Variants in AMZ1 observed in about 807,000 individuals in gnomAD.
AMZ1 encodes the protein archaelysin family metallopeptidase 1.
Under a neutral mutation model 29.9 loss-of-function variants are expected in AMZ1, and 39 were observed. That is an observed-to-expected ratio of 1.30 (90% CI 1.01 to 1.70). The LOEUF (loss-of-function observed/expected upper bound fraction) is 1.70, where lower values mean the gene tolerates loss of function less well. AMZ1 is among the 40% of genes most tolerant of loss of function. AMZ1 has a pLI of 0.00. For missense variants in AMZ1, 1,041 were observed against 680.6 expected (o/e 1.53, Z -5.89); for synonymous variants, 458 against 304.0 (o/e 1.51, Z -5.27).
intron 1 of AMZ1, among the ~76,000 whole-genome samples, chr7:2,699,254 T>C (rs951821245): frequency 6.6e-6 from 1 of 152,132 alleles, no homozygotes; most frequent in Non-Finnish European, 1.5e-5. Flanking sequence ...CTCTCAGGCG[T>C]GTTCCTAAGT....
In AMZ1 at chr7:2,709,633, C is replaced by A. The variant is rs1315725146; in HGVS notation, c.772-7C>A. The A allele has an allele frequency of 2.5e-6, 4 of 1,605,950 alleles. No homozygotes were observed. Among genetic ancestry groups the A allele is most frequent in the Non-Finnish European group, 3.4e-6 (4 of 1,176,894 alleles). On this transcript the variant is annotated splice_polypyrimidine_tract_variant and splice_region_variant and intron_variant, in intron 5 of 6. Coordinates refer to ENST00000683327, the MANE Select transcript of AMZ1 (RefSeq NM_001384743.1). ...TGAGGCAAGGTGCTTGGTGGCCTTCCCCCCAGGTCACGTGCCACGAGCTCT... is the reference window on the plus strand; with the variant it reads ...TGAGGCAAGGTGCTTGGTGGCCTTCACCCCAGGTCACGTGCCACGAGCTCT...
intron 4 of AMZ1, among the ~76,000 whole-genome samples, chr7:2,725,750 T>C (rs1421273913): frequency 1.3e-5 from 2 of 152,256 alleles, no homozygotes; most frequent in Non-Finnish European, 2.9e-5. Flanking sequence ...AAAAGGCGGC[T>C]TCAGCTCCTT....
At chr7:2,751,181 A>T (rs1791016807) in intron 4 of AMZ1, among the ~76,000 whole-genome samples, 1 of 152,052 alleles carries the variant, frequency 6.6e-6, no homozygotes. Flanking sequence ...TGAGGTCAGG[A>T]GTTCAAGACC....
At chr7:2,721,265 GCGCTCACCTCACTCTCCTGC>G (rs1338874424), downstream of AMZ1, among the ~76,000 whole-genome samples, 2 of 152,230 alleles carry the variant, frequency 1.3e-5, no homozygotes, top group African/African-American at 4.8e-5. Flanking sequence ...CCTGTGCTGA[GCGCTCACCTCACTCTCCTGC>G]CGCGCACCGC....
At chr7:2,693,185 T>C (rs1460932019) in intron 1 of AMZ1, among the ~76,000 whole-genome samples, 2 of 152,198 alleles carry the variant, frequency 1.3e-5, no homozygotes, top group Non-Finnish European at 2.9e-5. Flanking sequence ...CACCGCAACC[T>C]CCGCCTCCCG....
At chr7:2,737,239 C>A (rs1790228391) in intron 4 of AMZ1, among the ~76,000 whole-genome samples, 2 of 139,190 alleles carry the variant, frequency 1.4e-5, no homozygotes, top group South Asian at 4.6e-4. Flanking sequence ...TAAACCCTAT[C>A]TGCCCATTCA....
At chr7:2,686,165 C>T (rs900623690), upstream of AMZ1, among the ~76,000 whole-genome samples, 1 of 152,186 alleles carries the variant, frequency 6.6e-6, no homozygotes, top group African/African-American at 2.4e-5. Flanking sequence ...GGTGTGGAGA[C>T]GGACTTTTGG....
rs116915646 is a variant in AMZ1 at position 2,741,308 on chromosome 7, T to C, written n.551-23404T>C. Among the ~76,000 whole-genome samples the C allele has an allele frequency of 1.5e-3, 222 of 152,142 alleles. 2 individuals carry two copies. The East Asian group carries it at 0.028, about 19-fold the overall frequency. Reference sequence around the variant, plus strand: ...AGGTTGAGGATGCAGTGAGCCATGATTGCGCCACTGCACTCAGGCCTGGGC... The same window carrying C: ...AGGTTGAGGATGCAGTGAGCCATGACTGCGCCACTGCACTCAGGCCTGGGC... On this transcript the variant is annotated intron_variant and non_coding_transcript_variant, in intron 4 of 4. Coordinates refer to the AMZ1 transcript ENST00000489665.
chr7:2,762,068 G>A (rs1218547380), upstream of AMZ1: 1 of 152,488 alleles, frequency 6.6e-6, no homozygotes, highest in Non-Finnish European at 1.5e-5. Flanking sequence ...CTTCATTACT[G>A]TCCCTACCTC....
At position 2,712,647 on chromosome 7, in the gene AMZ1, G is replaced by A. The variant is rs756188034; in HGVS notation, c.1266G>A (p.Val422=). 43 of 1,613,120 alleles carry A rather than the reference G, an allele frequency of 2.7e-5. No homozygotes were observed. The highest frequency in any genetic ancestry group is 3.5e-5 in the Non-Finnish European group (41 of 1,179,896). The change falls in exon 7 of 7, where the codon GTG becomes GTA. Residue 422 remains valine, a synonymous_variant. Transcript: ENST00000683327. Reference sequence around the variant, plus strand: ...GCATCCAGGCCCTGCAGCGGGAAGTGGCAGAGGAGGACCTGGTGCAGGTGG... The same window carrying A: ...GCATCCAGGCCCTGCAGCGGGAAGTAGCAGAGGAGGACCTGGTGCAGGTGG... ...AMCIQALQRE[V]AEEDLVQVDR...
At chr7:2,686,769 C>T (rs1346855876), upstream of AMZ1, among the ~76,000 whole-genome samples, 1 of 151,864 alleles carries the variant, frequency 6.6e-6, no homozygotes, top group Non-Finnish European at 1.5e-5. Flanking sequence ...GGCTGGAGTG[C>T]AGTGGCATAA....
At chr7:2,741,206 G>C (rs1790484249) in intron 4 of AMZ1, among the ~76,000 whole-genome samples, 1 of 152,184 alleles carries the variant, frequency 6.6e-6, no homozygotes, top group South Asian at 2.1e-4. Flanking sequence ...AAAGCACCTA[G>C]ACTAGGTGTG....
chr7:2,742,329 T>C (rs1319595356), intron 4 of AMZ1, among the ~76,000 whole-genome samples: 1 of 152,166 alleles, frequency 6.6e-6, no homozygotes, highest in African/African-American at 2.4e-5. Context: ...ACTGAGATTT[T>C]TGAAGAAGAG....
intron 1 of AMZ1, among the ~76,000 whole-genome samples, chr7:2,699,416 C>A (rs969616005): frequency 1.3e-5 from 2 of 152,206 alleles, no homozygotes; most frequent in African/African-American, 4.8e-5. Flanking sequence ...CCACTTCTCC[C>A]TGTTTCTAGC....
intron 1 of AMZ1, among the ~76,000 whole-genome samples, chr7:2,688,852 A>G (rs911132504): frequency 3.3e-5 from 5 of 152,234 alleles, no homozygotes; most frequent in African/African-American, 9.6e-5. Flanking sequence ...GATGTAAGAC[A>G]GGTCTCAAAA....
At chr7:2,709,022 CCCCAGAG>C (rs1788560247) in intron 4 of AMZ1, 46 bp from the exon 5 acceptor site, 3 of 1,516,598 alleles carry the variant, frequency 2.0e-6, no homozygotes, top group Middle Eastern at 1.8e-4. Context: ...ACGGTGGGCC[CCCCAGAG>C]CCAAGGCTGA....
upstream of AMZ1, chr7:2,762,873 C>A: frequency 6.9e-7 from 1 of 1,444,928 alleles, no homozygotes; most frequent in Non-Finnish European, 9.2e-7. Context: ...GCTCCGAGCC[C>A]TGCTCGTGGA....
chr7:2,709,573 T>A, intron 5 of AMZ1, 67 bp from the exon 6 acceptor site: 2 of 1,556,340 alleles, frequency 1.3e-6, no homozygotes, highest in Non-Finnish European at 1.7e-6. Flanking sequence ...CTGCTGGGGC[T>A]GCCTGGGGAT....
chr7:2,747,646 A>G (rs996949161), intron 4 of AMZ1, among the ~76,000 whole-genome samples: 27 of 152,238 alleles, frequency 1.8e-4, no homozygotes, highest in Admixed American at 4.6e-4. Flanking sequence ...CTCCTATTCA[A>G]TATAGTGTTG....
Sources: allele counts gnomAD v4.1 joint callset (sites outside exome capture counted in the v4.1 genomes callset), GRCh38; gene constraint gnomAD v4.1.1; transcripts MANE v1.5; gene names NCBI Gene and HGNC (gene_info 2026-07-23, HGNC 2026-07-21).